The following TAFA1 variants were observed in gnomAD, a reference collection of about 807,000 sequenced individuals.
The protein encoded by TAFA1 is chemokine-like protein TAFA-1.
In TAFA1, 4 loss-of-function variants were observed where a neutral mutation model predicts 18.5. The ratio of observed to expected loss-of-function variants is 0.22; its 90% CI spans 0.11 to 0.49. TAFA1 has a LOEUF of 0.49. Among genes scored for constraint, TAFA1 ranks in the 20% least tolerant of loss-of-function variants. TAFA1 has a pLI of 0.98. For synonymous variants in TAFA1, 56 were observed against 55.2 expected (o/e 1.01, Z -0.06); for missense variants, 147 against 169.0 (o/e 0.87, Z 0.72).
At chr3:68,246,373 A>T (rs887706760) in intron 2 of TAFA1, among the ~76,000 whole-genome samples, 1 of 151,872 alleles carries the variant, frequency 6.6e-6, no homozygotes, top group African/African-American at 2.4e-5. Context: ...GGTGGATCAC[A>T]AAGTCAGGAG....
chr3:68,492,749 G>T (rs2072475913), intron 3 of TAFA1, among the ~76,000 whole-genome samples: 1 of 152,008 alleles, frequency 6.6e-6, no homozygotes, highest in Admixed American at 6.6e-5. Context: ...TTCTTGGAAG[G>T]AAAAGCTTTA....
chr3:68,220,160 C>G (rs1419371549), intron 2 of TAFA1, among the ~76,000 whole-genome samples: 1 of 152,112 alleles, frequency 6.6e-6, no homozygotes, highest in East Asian at 1.9e-4. Flanking sequence ...CACTTAGCTT[C>G]TAAATTCATT....
chr3:68,277,879 T>A, intron 2 of TAFA1, among the ~76,000 whole-genome samples: 1 of 152,162 alleles, frequency 6.6e-6, no homozygotes, highest in South Asian at 2.1e-4. Context: ...GGTCAATACA[T>A]TTAGCCATAA....
At chr3:68,188,206 A>C (rs2066293033) in intron 2 of TAFA1, among the ~76,000 whole-genome samples, 1 of 151,866 alleles carries the variant, frequency 6.6e-6, no homozygotes, top group South Asian at 2.1e-4. Context: ...CATTTTGTTT[A>C]GGAAATTCTA....
At chr3:68,424,981 AG>A (rs1423262960) in intron 3 of TAFA1, among the ~76,000 whole-genome samples, 2 of 151,994 alleles carry the variant, frequency 1.3e-5, no homozygotes, top group African/African-American at 4.8e-5. Flanking sequence ...GTTAATGGAT[AG>A]TGTGATGCCC....
At chr3:68,088,819 G>C (rs973958574) in intron 2 of TAFA1, among the ~76,000 whole-genome samples, 1 of 152,174 alleles carries the variant, frequency 6.6e-6, no homozygotes. Flanking sequence ...AGACCAGCTG[G>C]AAGGCTATTA....
intron 2 of TAFA1, among the ~76,000 whole-genome samples, chr3:68,212,975 G>A (rs577376962): frequency 9.2e-5 from 14 of 151,600 alleles, no homozygotes; most frequent in African/African-American, 3.4e-4. Context: ...ATTCCCTCGC[G>A]TTAACCCTCC....
intron 2 of TAFA1, among the ~76,000 whole-genome samples, chr3:68,357,252 G>A (rs895920284): frequency 4.6e-5 from 7 of 151,842 alleles, no homozygotes; most frequent in Non-Finnish European, 7.4e-5. Context: ...TTCTTATTTA[G>A]CAACTTACTT....
intron 3 of TAFA1, among the ~76,000 whole-genome samples, chr3:68,528,960 T>C (rs994467314): frequency 6.6e-6 from 1 of 152,176 alleles, no homozygotes. Context: ...CTCTGCTAAG[T>C]ACTTCAAATG....
At chr3:68,443,491 A>AT (rs1400409340) in intron 3 of TAFA1, among the ~76,000 whole-genome samples, 4 of 132,928 alleles carry the variant, frequency 3.0e-5, no homozygotes, top group Non-Finnish European at 6.3e-5. Context: ...AAAAAAAAAA[A>AT]AAAAACAAAA....
At chr3:68,432,969 T>C (rs1047213189) in intron 3 of TAFA1, among the ~76,000 whole-genome samples, 2 of 151,996 alleles carry the variant, frequency 1.3e-5, no homozygotes, top group African/African-American at 4.8e-5. Context: ...TCTCATGGCT[T>C]CAGAGACCCA....
At chr3:68,284,549 T>C (rs1036811693) in intron 2 of TAFA1, among the ~76,000 whole-genome samples, 1 of 152,164 alleles carries the variant, frequency 6.6e-6, no homozygotes, top group South Asian at 2.1e-4. Flanking sequence ...GTAGCCAAAA[T>C]TGGAAACTAC....
intron 2 of TAFA1, among the ~76,000 whole-genome samples, chr3:68,015,012 AAT>A (rs1054730392): frequency 6.6e-6 from 1 of 152,074 alleles, no homozygotes; most frequent in Non-Finnish European, 1.5e-5. Flanking sequence ...GATTTTATCA[AAT>A]ATCTTTATGC....
At chr3:68,522,149 A>C (rs2073037423) in intron 3 of TAFA1, among the ~76,000 whole-genome samples, 1 of 151,666 alleles carries the variant, frequency 6.6e-6, no homozygotes, top group South Asian at 2.1e-4. Flanking sequence ...AATATCAAAA[A>C]CTTTTCAGTT....
intron 2 of TAFA1, among the ~76,000 whole-genome samples, chr3:68,227,464 G>A (rs2066816380): frequency 6.6e-6 from 1 of 152,184 alleles, no homozygotes; most frequent in East Asian, 1.9e-4. Context: ...ACCCTTCAAA[G>A]CCTTGCCAAG....
chr3:68,032,449 C>T (rs552390667), intron 2 of TAFA1, among the ~76,000 whole-genome samples: 2 of 152,246 alleles, frequency 1.3e-5, no homozygotes, highest in African/African-American at 4.8e-5. Flanking sequence ...CCAAAAGAAA[C>T]ACCACTGTGA....
rs978562418 is a variant in TAFA1, at chr3:68,197,200, G to T, written c.118+190456G>T. On this transcript the variant is annotated intron_variant, in intron 2 of 4. Coordinates refer to ENST00000478136, the MANE Select transcript of TAFA1 (RefSeq NM_213609.4). ...ACTATGTTAAGTATTGCCAATACAG[G>T]TTTATTTAGAAATATTTGCCAGCTT... 4.3e-4 allele frequency among the ~76,000 whole-genome samples: 66 copies of T among 151,736 alleles called. 1 individual carries two copies. Among genetic ancestry groups the T allele is most frequent in the Non-Finnish European group, 5.9e-5 (4 of 67,816 alleles).
chr3:68,451,234 AT>A (rs1290958683), intron 3 of TAFA1, among the ~76,000 whole-genome samples: 31 of 152,238 alleles, frequency 2.0e-4, no homozygotes, highest in Non-Finnish European at 1.5e-5. Flanking sequence ...CAATAGGAAA[AT>A]AAATATTGTA....
At chr3:68,037,163 G>C (rs775326953) in intron 2 of TAFA1, among the ~76,000 whole-genome samples, 2 of 152,106 alleles carry the variant, frequency 1.3e-5, no homozygotes, top group African/African-American at 2.4e-5. Flanking sequence ...GGCAGAGAAG[G>C]GTAGGAGAAG....
Sources: gnomAD v4.1 joint callset for allele counts (sites outside exome capture counted in the v4.1 genomes callset) on GRCh38, gnomAD v4.1.1 for gene constraint, MANE v1.5 for transcripts, NCBI Gene and HGNC (gene_info 2026-07-23, HGNC 2026-07-21) for gene names.